The following TTC13 variants were observed in gnomAD, a reference collection of about 807,000 sequenced individuals.
TTC13 encodes tetratricopeptide repeat protein 13.
A neutral mutation model predicts 120.0 loss-of-function variants in TTC13; 62 were observed. That is an observed-to-expected ratio of 0.52 (90% CI 0.42 to 0.64). TTC13 has a LOEUF of 0.64. Ranked by LOEUF, TTC13 falls within the 30% of genes least tolerant of loss-of-function variation. TTC13 has a pLI of 0.00. For synonymous variants in TTC13, 384 were observed against 393.5 expected, an observed-to-expected ratio of 0.98 and a Z score of 0.28; for missense variants, 824 against 1,050.2, an observed-to-expected ratio of 0.78 and a Z score of 2.98.
At chr1:230,925,039 A>G in intron 13 of TTC13, 66 bp from the exon 14 acceptor site, 1 of 1,590,200 alleles carries the variant, frequency 6.3e-7, no homozygotes, top group Non-Finnish European at 8.6e-7. Context: ...CCTACTTTAC[A>G]GAGTCTCAGT....
chr1:230,936,402 A>C (rs907569885), intron 8 of TTC13: 6 of 375,294 alleles, frequency 1.6e-5, no homozygotes, highest in Non-Finnish European at 2.6e-5. Flanking sequence ...CACCATTTTC[A>C]GTCCCCATCT....
chr1:230,931,541 C>T lies in TTC13; in HGVS notation c.1126-69G>A. The T allele has an allele frequency of 1.9e-6, 3 of 1,563,602 alleles. No individual in the cohort carries two copies. The South Asian group carries it at 3.5e-5, about 18-fold the overall frequency. On this transcript the variant is annotated intron_variant, in intron 10 of 22. Transcript: ENST00000366661. ...ACTTTGAAATGCTTTATTCTTTACT[C>T]TGGAATTAGTTTTCCCTCCAGGTTA...
chr1:230,910,400 C>T lies in TTC13; in HGVS notation c.2309+1070G>A, dbSNP rs559449287. On this transcript the variant is annotated intron_variant, in intron 20 of 22. Transcript: ENST00000366661. ...TGCGCACTGTGTATGCTGCCAAGCT[C>T]GGCTTAAACCCATGGTTTTCAGAAG... Among the ~76,000 whole-genome samples, 37 of 152,312 alleles carry T rather than the reference C, an allele frequency of 2.4e-4. No homozygotes were observed. In the South Asian group the frequency reaches 2.5e-3, roughly 10 times the overall value.
intron 1 of TTC13, among the ~76,000 whole-genome samples, chr1:230,965,233 A>T (rs1433717302): frequency 6.6e-6 from 1 of 152,256 alleles, no homozygotes; most frequent in African/African-American, 2.4e-5. Flanking sequence ...CCCCTCTGAC[A>T]AGCGATTAGT....
chr1:230,931,354 T>G lies in TTC13; in HGVS notation c.1244A>C (p.Asp415Ala), dbSNP rs748174229. ...GCTAGCCTTCTGGCCTGGGAGAGGA[T>G]CATTCAGCATAACTTTTGTTTGTGC... ...IKAQTKVMLN[D>A]PLPGQKASPE... The change falls in exon 11 of 23, where the codon GAT (aspartate) becomes GCT (alanine). Residue 415 changes from aspartate (D) to alanine (A), a missense_variant. Coordinates refer to ENST00000366661, the MANE Select transcript of TTC13 (RefSeq NM_024525.5). The G allele has an allele frequency of 1.2e-6, 2 of 1,614,232 alleles. No individual in the cohort carries two copies. Among genetic ancestry groups the G allele is most frequent in the South Asian group, 1.1e-5 (1 of 91,086 alleles).
chr1:230,934,125 C>T (rs1177393839), intron 8 of TTC13, among the ~76,000 whole-genome samples: 1 of 152,132 alleles, frequency 6.6e-6, no homozygotes, highest in Non-Finnish European at 1.5e-5. Flanking sequence ...TTATCTACTT[C>T]ATTACTAGCT....
intron 15 of TTC13, among the ~76,000 whole-genome samples, chr1:230,922,734 C>T (rs1360660052): frequency 1.3e-5 from 2 of 152,176 alleles, no homozygotes; most frequent in Non-Finnish European, 2.9e-5. Context: ...TCAGGCACCC[C>T]TTCTCCAGGT....
rs952656287 is a variant in TTC13 at position 230,944,496 on chromosome 1, T to C, written c.580-598A>G. On this transcript the variant is annotated intron_variant, in intron 5 of 22. Coordinates refer to ENST00000366661, the MANE Select transcript of TTC13 (RefSeq NM_024525.5). The surrounding 1 kb of genome is among the most constrained non-coding windows in gnomAD (Gnocchi z 4.0). Reference sequence around the variant, plus strand: ...ACTGCAACTTCAACCTGGTCATTCATTGATGCTCTGAGTAAAATATCATTT... The same window carrying C: ...ACTGCAACTTCAACCTGGTCATTCACTGATGCTCTGAGTAAAATATCATTT... Among the ~76,000 whole-genome samples, 2 of 152,188 alleles carry C rather than the reference T, an allele frequency of 1.3e-5. No homozygotes were observed. The highest frequency in any genetic ancestry group is 2.9e-5 in the Non-Finnish European group (2 of 68,018).
intron 19 of TTC13, 96 bp downstream of exon 19, chr1:230,912,527 C>T (rs1558163009): frequency 7.2e-7 from 1 of 1,383,102 alleles, no homozygotes; most frequent in Non-Finnish European, 9.9e-7. Context: ...CAATTTCAAG[C>T]ATAAGATGTA....
chr1:230,957,621 T>C (rs1255173526), intron 3 of TTC13, among the ~76,000 whole-genome samples: 1 of 152,222 alleles, frequency 6.6e-6, no homozygotes, highest in African/African-American at 2.4e-5. Context: ...CAGCCCTGTA[T>C]TCAATTTTGT....
intron 1 of TTC13, among the ~76,000 whole-genome samples, chr1:230,972,509 G>T (rs1334257035): frequency 6.6e-6 from 1 of 152,208 alleles, no homozygotes; most frequent in East Asian, 1.9e-4. Flanking sequence ...CAAACAAAAT[G>T]ACCTCTTTAA....
At chr1:230,920,942 T>C (rs1207705418) in intron 16 of TTC13, among the ~76,000 whole-genome samples, 1 of 152,226 alleles carries the variant, frequency 6.6e-6, no homozygotes, top group East Asian at 1.9e-4. Flanking sequence ...TAAAATTATA[T>C]GTGGATGTTT....
chr1:230,963,233 T>A (rs1040520090), intron 1 of TTC13, among the ~76,000 whole-genome samples: 7 of 152,196 alleles, frequency 4.6e-5, no homozygotes, highest in Non-Finnish European at 7.3e-5. Flanking sequence ...TCTCACGTGT[T>A]GTATATCTTA....
chr1:230,972,642 T>C (rs780197876), intron 1 of TTC13, among the ~76,000 whole-genome samples: 1 of 152,224 alleles, frequency 6.6e-6, no homozygotes, highest in Non-Finnish European at 1.5e-5. Context: ...CCTACAGTCA[T>C]GCTCCAGGTA....
At chr1:230,939,632 G>A (rs754025603) in intron 7 of TTC13, 136 bp from the exon 8 acceptor site, 6 of 546,464 alleles carry the variant, frequency 1.1e-5, no homozygotes, top group Non-Finnish European at 1.6e-5. Flanking sequence ...AACATTTCAT[G>A]ACACTATATA....
At chr1:230,928,831 T>A in intron 12 of TTC13, 106 bp downstream of exon 12, 1 of 1,128,710 alleles carries the variant, frequency 8.9e-7, no homozygotes, top group Non-Finnish European at 1.2e-6. Context: ...CCCCAGGCAA[T>A]TCTACCTCAC....
At chr1:230,976,648 A>G (rs1678338710) in intron 1 of TTC13, among the ~76,000 whole-genome samples, 1 of 152,146 alleles carries the variant, frequency 6.6e-6, no homozygotes, top group Non-Finnish European at 1.5e-5. Flanking sequence ...TGCAACAGTA[A>G]ATTTTAAATT....
chr1:230,913,199 G>A (rs1176984113), intron 18 of TTC13, among the ~76,000 whole-genome samples: 1 of 152,156 alleles, frequency 6.6e-6, no homozygotes, highest in African/African-American at 2.4e-5. Context: ...CAAAAAAAAA[G>A]TGGAGCTGAA....
At chr1:230,954,489 A>G in intron 3 of TTC13, 86 bp from the exon 4 acceptor site, 1 of 1,053,242 alleles carries the variant, frequency 9.5e-7, no homozygotes, top group Non-Finnish European at 1.4e-6. Flanking sequence ...GTAAATCTCC[A>G]AAGGCAGCTC....
Sources: gnomAD v4.1 joint callset for allele counts (sites outside exome capture counted in the v4.1 genomes callset) on GRCh38, gnomAD v4.1.1 for gene constraint, Gnocchi (gnomAD v3.1) non-coding constraint, MANE v1.5 for transcripts, NCBI Gene and HGNC (gene_info 2026-07-23, HGNC 2026-07-21) for gene names.